The following UGT2A2 variants were observed in gnomAD, a reference collection of about 807,000 sequenced individuals.
UGT2A2 encodes the protein UDP-glucuronosyltransferase 2A2.
Under a neutral mutation model 50.7 loss-of-function variants are expected in UGT2A2, and 60 were observed. The ratio of observed to expected loss-of-function variants is 1.18; its 90% CI spans 0.96 to 1.47. UGT2A2 has a LOEUF of 1.47. Among genes scored for constraint, UGT2A2 ranks in the 40% most tolerant of loss-of-function variants. The pLI is 0.00. For missense variants in UGT2A2, 762 were observed against 634.0 expected (o/e 1.20, Z -2.17); for synonymous variants, 242 against 214.6 (o/e 1.13, Z -1.11).
At chr4:69,612,714 A>G (rs932392779) in intron 1 of UGT2A2, among the ~76,000 whole-genome samples, 1 of 152,036 alleles carries the variant, frequency 6.6e-6, no homozygotes, top group African/African-American at 2.4e-5. Context: ...AATTTACCCT[A>G]TAAAAACATT....
intron 1 of UGT2A2, among the ~76,000 whole-genome samples, chr4:69,638,020 G>A (rs1336734222): frequency 6.6e-6 from 1 of 150,580 alleles, no homozygotes; most frequent in Non-Finnish European, 1.5e-5. Flanking sequence ...AGGAAGGAAG[G>A]AAAGAAGGAA....
chr4:69,603,183 G>A (rs114876842), intron 1 of UGT2A2, among the ~76,000 whole-genome samples: 2,384 of 136,062 alleles, frequency 0.018, 632 homozygotes, highest in African/African-American at 0.068. Flanking sequence ...AAATCCATAC[G>A]GAAAAGCAAA....
chr4:69,594,658 T>C lies in UGT2A2; in HGVS notation c.1150A>G (p.Thr384Ala). Reference sequence around the variant, plus strand: ...TAAATAGCTTCGTAGATCCCATTAGTTCCACCATGAGTGATAAAAGCTTTG... The same window carrying C: ...TAAATAGCTTCGTAGATCCCATTAGCTCCACCATGAGTGATAAAAGCTTTG... ...KTKAFITHGG[T>A]NGIYEAIYHG... Residue 384 changes from threonine to alanine, a missense_variant, in exon 5 of 6, where the codon ACT becomes GCT. Thr to Ala is a moderately conservative substitution (Grantham distance 58). Coordinates refer to ENST00000604629, the MANE Select transcript of UGT2A2 (RefSeq NM_001105677.2). The C allele has an allele frequency of 6.2e-7, 1 of 1,614,110 alleles. No individual in the cohort carries two copies. The highest frequency in any genetic ancestry group is 8.5e-7 in the Non-Finnish European group (1 of 1,180,004).
rs922137266 is a variant in UGT2A2 at position 69,602,558 on chromosome 4, G to A, written c.743-3164C>T. On this transcript the variant is annotated intron_variant, in intron 1 of 5. Transcript: ENST00000604629. The stretch of plus-strand genomic sequence containing the variant: ...AAAACAATATACAGATAAATCTTCA[G>A]AATGAGGAAGAGAAGTTTTAATTTT... Among the ~76,000 whole-genome samples the A allele has an allele frequency of 4.4e-5, 6 of 137,082 alleles. 1 individual carries two copies. The highest frequency in any genetic ancestry group is 2.9e-4 in the Admixed American group (4 of 13,978). 89.9% of individuals were successfully genotyped at this position (137,082 alleles called of 152,430 possible).
intron 1 of UGT2A2, among the ~76,000 whole-genome samples, chr4:69,606,162 C>T (rs1023485546): frequency 1.5e-5 from 2 of 136,056 alleles, no homozygotes; most frequent in South Asian, 2.4e-4. Context: ...AACATCGAGG[C>T]AAAAATCCTC....
rs1719527007 is a variant in UGT2A2 at position 69,605,095 on chromosome 4, C to T, written c.743-5701G>A. On this transcript the variant is annotated intron_variant, in intron 1 of 5. Coordinates refer to ENST00000604629, the MANE Select transcript of UGT2A2 (RefSeq NM_001105677.2). ...CCTAATACACATCTACAGAATTATC[C>T]ACCCCAAATCAACAGAATATACATT... Among the ~76,000 whole-genome samples the T allele has an allele frequency of 1.5e-5, 2 of 136,764 alleles. 1 individual carries two copies. The highest frequency in any genetic ancestry group is 5.9e-5 in the African/African-American group (2 of 33,760). 89.7% of individuals were successfully genotyped at this position (136,764 alleles called of 152,430 possible).
intron 1 of UGT2A2, among the ~76,000 whole-genome samples, chr4:69,606,809 G>A (rs1356781205): frequency 2.9e-5 from 4 of 136,322 alleles, no homozygotes; most frequent in East Asian, 4.1e-4. Flanking sequence ...TCACGAGTGA[G>A]CTCCCATTCA....
chr4:69,637,369 G>A (rs1381368869), intron 1 of UGT2A2, among the ~76,000 whole-genome samples: 1 of 152,050 alleles, frequency 6.6e-6, no homozygotes, highest in Non-Finnish European at 1.5e-5. Flanking sequence ...TATTGCAAGA[G>A]TTTTGCAATA....
intron 1 of UGT2A2, 112 bp from the exon 2 acceptor site, chr4:69,599,506 G>A (rs1719133612): frequency 2.7e-6 from 4 of 1,465,806 alleles, no homozygotes; most frequent in Non-Finnish European, 3.7e-6. Context: ...ACTGAATTAG[G>A]TCTTCTAGAA....
intron 1 of UGT2A2, among the ~76,000 whole-genome samples, chr4:69,628,035 T>C (rs1031854655): frequency 7.2e-5 from 11 of 151,994 alleles, no homozygotes; most frequent in African/African-American, 2.7e-4. Flanking sequence ...TAATCTCACT[T>C]GTCTGTTTTT....
At position 69,632,004 on chromosome 4, in the gene UGT2A2, C is replaced by T. The variant is rs953085698; in HGVS notation, c.742+6895G>A. On this transcript the variant is annotated intron_variant, in intron 1 of 5. Transcript: ENST00000604629. ...ACAGTTTGTATAAATCCAATAAATA[C>T]CACATTATAGTTATTAGTTTTTCTT... Among the ~76,000 whole-genome samples, 3 of 152,012 alleles carry T rather than the reference C, an allele frequency of 2.0e-5. No homozygotes were observed. The East Asian group carries it at 5.8e-4, about 29-fold the overall frequency.
At chr4:69,599,116 G>C in intron 2 of UGT2A2, 130 bp downstream of exon 2, 1 of 1,353,932 alleles carries the variant, frequency 7.4e-7, no homozygotes, top group Non-Finnish European at 9.7e-7. Context: ...TCTATCACAA[G>C]GAAAATAGAT....
At chr4:69,620,410 T>C (rs1205535240) in intron 1 of UGT2A2, among the ~76,000 whole-genome samples, 1 of 132,424 alleles carries the variant, frequency 7.6e-6, no homozygotes, top group African/African-American at 3.0e-5. Flanking sequence ...TGCCTAGGAA[T>C]ACAGCTAACC....
intron 1 of UGT2A2, among the ~76,000 whole-genome samples, chr4:69,610,695 G>T (rs554408759): frequency 4.3e-4 from 65 of 152,238 alleles, no homozygotes; most frequent in Non-Finnish European, 8.1e-4. Flanking sequence ...AAGAGGAAGT[G>T]ACACCAGGAA....
chr4:69,599,317 GA>G lies in UGT2A2; in HGVS notation c.819del (p.Pro274LeufsTer81). The G allele has an allele frequency of 3.1e-6, 5 of 1,613,842 alleles. No individual in the cohort carries two copies. The highest frequency in any genetic ancestry group is 4.2e-6 in the Non-Finnish European group (5 of 1,179,932). On this transcript the variant is annotated frameshift_variant, in exon 2 of 6. Transcript: ENST00000604629. LOFTEE classifies it high-confidence loss of function. ...TCAAAATTAGGTAAGTATGGACGAG[GA>G]AATTCAAAATCCCAATATGTTCGGA... The part of the protein sequence containing the change: ...WLIRTYWDFE[F>X]PRPYLPNFEF...
chr4:69,607,449 C>T (rs1318486551), intron 1 of UGT2A2, among the ~76,000 whole-genome samples: 1 of 151,854 alleles, frequency 6.6e-6, no homozygotes, highest in Non-Finnish European at 1.5e-5. Flanking sequence ...CATGTTAGAC[C>T]TAAAACCATA....
At position 69,596,250 on chromosome 4, in the gene UGT2A2, C is replaced by T. The variant is rs1718921567; in HGVS notation, c.1023G>A (p.Lys341=). 6.4e-7 allele frequency: 1 copy of T among 1,572,872 alleles called. No individual in the cohort carries two copies. ...TACCAGGATTCCAGGCTGTACTGAC[C>T]TTCTGTGGAATCTGGGCAAGGGCTG... is the stretch of plus-strand genomic sequence containing the variant. ...IASALAQIPQ[K]VLWRYKGKKP... is the part of the protein sequence containing the mutation. Residue 341 remains lysine (K), a splice_region_variant and synonymous_variant, in exon 3 of 6, where the codon AAG becomes AAA. Transcript: ENST00000604629.
chr4:69,589,575 A>C lies in UGT2A2; in HGVS notation c.1408T>G (p.Trp470Gly), dbSNP rs759466309. The change falls in exon 6 of 6, where the codon TGG becomes GGG. Residue 470 changes from tryptophan (W) to glycine (G), a missense_variant. Coordinates refer to ENST00000604629, the MANE Select transcript of UGT2A2 (RefSeq NM_001105677.2). ...PVKPLDRAVF[W>G]IEFVMRHKGA... ...TTGTGGCGCATGACAAACTCGATCC[A>C]GAAGACTGCTCGATCCAGGGGCTTT... 5 of 1,613,970 alleles carry C rather than the reference A, an allele frequency of 3.1e-6. No individual in the cohort carries two copies. Among genetic ancestry groups the C allele is most frequent in the Middle Eastern group, 3.3e-4 (2 of 6,076 alleles).
rs751362324 is a variant in UGT2A2, at chr4:69,599,260, T to A, written c.877A>T (p.Lys293Ter). The change falls in exon 2 of 6, where the codon AAA becomes TAA. Residue 293 changes from lysine to a stop codon, truncating the protein, a stop_gained. Coordinates refer to ENST00000604629, the MANE Select transcript of UGT2A2 (RefSeq NM_001105677.2). LOFTEE classifies it high-confidence loss of function. ...FVGGLHCKPA[K>*]PLPKEMEEFI... The stretch of plus-strand genomic sequence containing the variant: ...TGTAGACCTACCTTAGGTAAAGGTT[T>A]GGCAGGTTTGCAGTGCAATCCTCCA... The A allele has an allele frequency of 4.3e-6, 7 of 1,613,602 alleles. No individual in the cohort carries two copies. Among genetic ancestry groups the A allele is most frequent in the Non-Finnish European group, 5.9e-6 (7 of 1,179,810 alleles).
Sources: gnomAD v4.1 joint callset for allele counts (sites outside exome capture counted in the v4.1 genomes callset) on GRCh38, gnomAD v4.1.1 for gene constraint, MANE v1.5 for transcripts, NCBI Gene and HGNC (gene_info 2026-07-23, HGNC 2026-07-21) for gene names.